The following CSMD2 variants were observed in gnomAD, a reference collection of about 807,000 sequenced individuals.
CSMD2 encodes the protein CUB and sushi domain-containing protein 2.
A neutral mutation model predicts 398.5 loss-of-function variants in CSMD2; 130 were observed. The observed-to-expected ratio is 0.33, with a 90% CI of 0.28 to 0.38. The LOEUF (loss-of-function observed/expected upper bound fraction) is 0.38. Ranked by LOEUF, CSMD2 falls within the 10% of genes least tolerant of loss-of-function variation. The probability of loss-of-function intolerance (pLI) is 1.00; values close to 1 mark genes in which losing one functional copy is unlikely to be tolerated. For synonymous variants in CSMD2, 1,828 were observed against 1,908.5 expected (o/e 0.96, Z 1.10); for missense variants, 3,829 against 4,764.9 (o/e 0.80, Z 5.78).
intron 55 of CSMD2, among the ~76,000 whole-genome samples, chr1:33,553,930 T>G (rs748347352): frequency 3.3e-5 from 5 of 151,994 alleles, no homozygotes; most frequent in East Asian, 1.9e-4. Flanking sequence ...CAAAGCCTAA[T>G]CCAGAGCAAG....
chr1:34,053,836 G>A (rs1458415783), intron 2 of CSMD2, among the ~76,000 whole-genome samples: 1 of 152,162 alleles, frequency 6.6e-6, no homozygotes, highest in Non-Finnish European at 1.5e-5. Context: ...AGGGAAAGAT[G>A]AGCTAGACTT....
chr1:34,048,785 C>T (rs1397563024), intron 2 of CSMD2, among the ~76,000 whole-genome samples: 1 of 152,176 alleles, frequency 6.6e-6, no homozygotes, highest in East Asian at 1.9e-4. Flanking sequence ...TAATACTAAA[C>T]ATATTATTAT....
chr1:33,936,514 C>T (rs1644484924), intron 3 of CSMD2, among the ~76,000 whole-genome samples: 1 of 152,196 alleles, frequency 6.6e-6, no homozygotes, highest in Admixed American at 6.5e-5. Context: ...AAACAAGAAC[C>T]CGGGTTCTCA....
At chr1:33,535,543 A>G (rs1198932818) in intron 62 of CSMD2, among the ~76,000 whole-genome samples, 1 of 152,124 alleles carries the variant, frequency 6.6e-6, no homozygotes, top group African/African-American at 2.4e-5. Flanking sequence ...TATACCCACA[A>G]ATTTCCTGTT....
intron 22 of CSMD2, among the ~76,000 whole-genome samples, chr1:33,707,695 GCACACA>G (rs200504764): frequency 0.096 from 8,798 of 91,964 alleles, 387 homozygotes; most frequent in Admixed American, 0.2. Context: ...GCGCGCGCGC[GCACACA>G]CACACACACA....
chr1:33,834,232 G>A (rs1287313806), intron 6 of CSMD2, among the ~76,000 whole-genome samples: 4 of 90,248 alleles, frequency 4.4e-5, no homozygotes, highest in Non-Finnish European at 7.9e-5. Flanking sequence ...GAGGCATCAC[G>A]CTACCTGACT....
Position 33,577,575 on chromosome 1 carries a change from C to T in CSMD2, c.7388-91G>A, listed in dbSNP as rs1461060324. The T allele has an allele frequency of 6.8e-6, 8 of 1,178,636 alleles. No individual in the cohort carries two copies. In the Admixed American group the frequency reaches 1.7e-4, roughly 25 times the overall value. The allele number at this position is 1,178,636 out of a possible 1,614,324, so 73.0% of individuals were successfully genotyped here. On this transcript the variant is annotated intron_variant, in intron 48 of 70. Coordinates refer to ENST00000373381, the MANE Select transcript of CSMD2 (RefSeq NM_001281956.2). The stretch of plus-strand genomic sequence containing the variant: ...GGCCCCTTTCCCTTTCGTCTCCCCC[C>T]CATCCCCTTGTCTTTGCCACTGCCA...
intron 9 of CSMD2, 24 bp from the exon 10 acceptor site, chr1:33,810,888 C>G (rs376203261): frequency 1.9e-4 from 302 of 1,606,930 alleles, no homozygotes; most frequent in Non-Finnish European, 2.4e-4. Flanking sequence ...GAAAGACAAG[C>G]CTTTGAATTA....
chr1:33,545,203 T>C (rs1656762320), intron 57 of CSMD2, among the ~76,000 whole-genome samples: 1 of 152,176 alleles, frequency 6.6e-6, no homozygotes, highest in Non-Finnish European at 1.5e-5. Context: ...AGGAGAGTAC[T>C]ATGCAAGCTG....
At chr1:33,706,648 C>T (rs994491218) in intron 22 of CSMD2, among the ~76,000 whole-genome samples, 2 of 152,060 alleles carry the variant, frequency 1.3e-5, no homozygotes, top group Non-Finnish European at 2.9e-5. Flanking sequence ...GTTGGCACAC[C>T]ACAACAGAGG....
intron 1 of CSMD2, among the ~76,000 whole-genome samples, chr1:34,138,852 A>C (rs1349830181): frequency 6.6e-6 from 1 of 152,224 alleles, no homozygotes; most frequent in Non-Finnish European, 1.5e-5. Flanking sequence ...ACACATTCAT[A>C]TATAACCTTG....
chr1:34,022,788 T>A (rs1266151406), intron 3 of CSMD2, among the ~76,000 whole-genome samples: 1 of 152,132 alleles, frequency 6.6e-6, no homozygotes, highest in African/African-American at 2.4e-5. Flanking sequence ...CTGGACTCCA[T>A]CCTGGAAGCA....
chr1:33,724,383 GACCCC>G, intron 18 of CSMD2, 70 bp from the exon 19 acceptor site: 1 of 1,497,858 alleles, frequency 6.7e-7, no homozygotes, highest in Non-Finnish European at 9.2e-7. Context: ...ATCCTCCTGG[GACCCC>G]ATCCCCCATC....
At position 33,832,761 on chromosome 1, in the gene CSMD2, A is replaced by G. The variant is rs549202361; in HGVS notation, c.1034-6987T>C. On this transcript the variant is annotated intron_variant, in intron 6 of 70. Transcript: ENST00000373381. ...AAATTGATAGACCGCTAGCAAGACT[A>G]ATAAAGAAGAAAAGAGAGAAGAATC... 7.0e-3 allele frequency among the ~76,000 whole-genome samples: 1,062 copies of G among 151,840 alleles called. 9 individuals carry two copies. Among genetic ancestry groups the G allele is most frequent in the African/African-American group, 0.025 (1,017 of 41,436 alleles).
chr1:33,770,595 A>G (rs4492575), intron 13 of CSMD2, among the ~76,000 whole-genome samples: 9 of 151,972 alleles, frequency 5.9e-5, no homozygotes, highest in Non-Finnish European at 5.9e-5. Context: ...GTGTCCTCTT[A>G]CTCTCCAATG....
At chr1:34,041,695 C>T (rs1231189010) in intron 2 of CSMD2, among the ~76,000 whole-genome samples, 7 of 152,142 alleles carry the variant, frequency 4.6e-5, no homozygotes, top group Admixed American at 2.6e-4. Context: ...ACAGTAGGCA[C>T]GTATAGTCTG....
intron 1 of CSMD2, among the ~76,000 whole-genome samples, chr1:34,089,903 G>T (rs1007947343): frequency 1.3e-5 from 2 of 152,030 alleles, no homozygotes; most frequent in African/African-American, 4.8e-5. Flanking sequence ...CTCCAGCCTT[G>T]TCTCTCTCTC....
At chr1:33,531,073 T>C (rs976293564) in intron 64 of CSMD2, among the ~76,000 whole-genome samples, 1 of 152,198 alleles carries the variant, frequency 6.6e-6, no homozygotes, top group African/African-American at 2.4e-5. Context: ...ATGCACTGTG[T>C]ACTTGAAAAT....
intron 70 of CSMD2, among the ~76,000 whole-genome samples, chr1:33,517,908 G>C (rs1437520708): frequency 6.6e-6 from 1 of 152,254 alleles, no homozygotes; most frequent in African/African-American, 2.4e-5. Flanking sequence ...CGCAGGAACT[G>C]TCCCCACCAT....
Sources: gnomAD v4.1 joint callset for allele counts (sites outside exome capture counted in the v4.1 genomes callset) on GRCh38, gnomAD v4.1.1 for gene constraint, MANE v1.5 for transcripts, NCBI Gene and HGNC (gene_info 2026-07-23, HGNC 2026-07-21) for gene names.